The following CDH12 variants were observed in gnomAD, a reference collection of about 807,000 sequenced individuals.
CDH12 encodes the protein cadherin-12.
Under a neutral mutation model 74.1 loss-of-function variants are expected in CDH12, and 41 were observed. That is an observed-to-expected ratio of 0.55 (90% CI 0.43 to 0.72). The LOEUF (loss-of-function observed/expected upper bound fraction) is 0.72. Ranked by LOEUF, CDH12 falls within the 30% of genes least tolerant of loss-of-function variation. The pLI, the probability that CDH12 is intolerant of heterozygous loss-of-function variation, is 0.00. For synonymous variants in CDH12, 399 were observed against 355.0 expected (o/e 1.12, Z -1.39); for missense variants, 945 against 977.2 (o/e 0.97, Z 0.44).
intron 5 of CDH12, among the ~76,000 whole-genome samples, chr5:22,076,822 T>A (rs1742346176): frequency 6.6e-6 from 1 of 152,078 alleles, no homozygotes; most frequent in African/African-American, 2.4e-5. Context: ...TGGGTGGCAA[T>A]GTGATCTGAG....
rs147026526 is a variant in CDH12, at chr5:21,776,998, A to G, written c.1393+6360T>C. On this transcript the variant is annotated intron_variant, in intron 11 of 14. Coordinates refer to ENST00000382254, the MANE Select transcript of CDH12 (RefSeq NM_004061.5). ...AAGTCTGGTATATTAGATATTACAT[A>G]TCATTTCATTATAAGGTTAATGGAC... Among the ~76,000 whole-genome samples the G allele has an allele frequency of 2.9e-3, 447 of 152,336 alleles. 5 individuals are homozygous for G. Among genetic ancestry groups the G allele is most frequent in the Non-Finnish European group, 4.7e-3 (320 of 68,028 alleles).
chr5:21,887,110 C>A (rs1331544935), intron 6 of CDH12, among the ~76,000 whole-genome samples: 1 of 152,046 alleles, frequency 6.6e-6, no homozygotes, highest in East Asian at 1.9e-4. Context: ...TAATTAAATT[C>A]TTTATTATTT....
chr5:22,530,903 C>T (rs979485132), intron 1 of CDH12, among the ~76,000 whole-genome samples: 8 of 151,974 alleles, frequency 5.3e-5, no homozygotes, highest in African/African-American at 1.7e-4. Context: ...CATTACAGAA[C>T]TTACATATTT....
intron 2 of CDH12, among the ~76,000 whole-genome samples, chr5:22,421,719 G>C (rs538599185): frequency 1.4e-4 from 21 of 152,078 alleles, no homozygotes; most frequent in Non-Finnish European, 2.8e-4. Context: ...GGGATTGCTG[G>C]GCCAAATGGT....
intron 2 of CDH12, among the ~76,000 whole-genome samples, chr5:22,425,153 GTA>G (rs1331299083): frequency 4.9e-4 from 43 of 88,002 alleles, no homozygotes; most frequent in African/African-American, 7.4e-4. Context: ...ATGTGTGTGT[GTA>G]TATATATATA....
chr5:22,030,610 G>T (rs1238837111), intron 5 of CDH12, among the ~76,000 whole-genome samples: 1 of 152,142 alleles, frequency 6.6e-6, no homozygotes, highest in Non-Finnish European at 1.5e-5. Flanking sequence ...AGGGCCCTAG[G>T]ATTTTCAGAA....
At chr5:22,133,142 T>G (rs1214109842) in intron 4 of CDH12, among the ~76,000 whole-genome samples, 7 of 152,158 alleles carry the variant, frequency 4.6e-5, no homozygotes. Context: ...CATTGAAACA[T>G]TCTCAATTTT....
chr5:22,620,210 C>T (rs567278959), intron 1 of CDH12, among the ~76,000 whole-genome samples: 2 of 151,964 alleles, frequency 1.3e-5, no homozygotes, highest in South Asian at 4.2e-4. Context: ...CTGGATACCC[C>T]CAATGGCCAC....
intron 3 of CDH12, among the ~76,000 whole-genome samples, chr5:22,230,447 T>G (rs535022967): frequency 2.0e-5 from 3 of 150,856 alleles, no homozygotes; most frequent in Non-Finnish European, 4.4e-5. Context: ...TGTTTGCAAT[T>G]TATTGTCAAA....
intron 1 of CDH12, among the ~76,000 whole-genome samples, chr5:22,636,807 C>T (rs1314544826): frequency 6.6e-6 from 1 of 152,116 alleles, no homozygotes; most frequent in Non-Finnish European, 1.5e-5. Context: ...CTGGTTGAAG[C>T]CATTTTATGG....
chr5:21,786,129 A>G (rs1746184948), intron 10 of CDH12, among the ~76,000 whole-genome samples: 1 of 152,140 alleles, frequency 6.6e-6, no homozygotes, highest in Non-Finnish European at 1.5e-5. Flanking sequence ...AGCCTGGATG[A>G]CAGCACATCT....
intron 3 of CDH12, among the ~76,000 whole-genome samples, chr5:22,324,412 A>C (rs1441099898): frequency 2.0e-5 from 3 of 151,972 alleles, no homozygotes; most frequent in Non-Finnish European, 2.9e-5. Flanking sequence ...TTACTACTTT[A>C]TTTAGGAGGT....
At chr5:22,730,977 A>T (rs1346395536) in intron 1 of CDH12, among the ~76,000 whole-genome samples, 1 of 151,780 alleles carries the variant, frequency 6.6e-6, no homozygotes, top group Non-Finnish European at 1.5e-5. Context: ...GATTAGAAAG[A>T]TGTTGTTGCT....
At chr5:21,938,270 T>C (rs966558347) in intron 6 of CDH12, among the ~76,000 whole-genome samples, 15 of 152,220 alleles carry the variant, frequency 9.9e-5, no homozygotes, top group Admixed American at 3.9e-4. Context: ...GTTAATCTAA[T>C]TAATTTACCT....
chr5:22,027,871 T>A (rs1738487529), intron 5 of CDH12, among the ~76,000 whole-genome samples: 1 of 152,194 alleles, frequency 6.6e-6, no homozygotes, highest in African/African-American at 2.4e-5. Context: ...CGAATGTGTT[T>A]GCTCTTGCTT....
At chr5:22,069,295 T>G (rs891790657) in intron 5 of CDH12, among the ~76,000 whole-genome samples, 1 of 152,108 alleles carries the variant, frequency 6.6e-6, no homozygotes, top group Non-Finnish European at 1.5e-5. Context: ...GAAATAGCCT[T>G]GTGAAGCCTC....
At chr5:22,680,726 G>C (rs1741446021) in intron 1 of CDH12, among the ~76,000 whole-genome samples, 1 of 151,614 alleles carries the variant, frequency 6.6e-6, no homozygotes. Context: ...GAGTTTCTGG[G>C]GTTAAATAAT....
intron 1 of CDH12, among the ~76,000 whole-genome samples, chr5:22,815,542 G>A (rs183046318): frequency 6.6e-5 from 10 of 152,172 alleles, no homozygotes; most frequent in African/African-American, 2.4e-4. Context: ...GGCTGAGGGG[G>A]GCGGATAACC....
intron 7 of CDH12, among the ~76,000 whole-genome samples, chr5:21,850,293 T>G (rs1277709739): frequency 6.6e-6 from 1 of 151,578 alleles, no homozygotes; most frequent in Admixed American, 6.6e-5. Context: ...ACGAGTAGAT[T>G]ATAACTTTCT....
Sources: allele counts gnomAD v4.1 joint callset (sites outside exome capture counted in the v4.1 genomes callset), GRCh38; gene constraint gnomAD v4.1.1; transcripts MANE v1.5; gene names NCBI Gene and HGNC (gene_info 2026-07-23, HGNC 2026-07-21).